The following ZNF331 variants were observed in gnomAD, a reference collection of about 807,000 sequenced individuals.
ZNF331 encodes zinc finger protein 331.
A neutral mutation model predicts 7.0 loss-of-function variants in ZNF331; 2 were observed. The observed-to-expected ratio is 0.29, with a 90% CI of 0.12 to 0.90. The LOEUF is 0.90. Among genes scored for constraint, ZNF331 ranks in the 40% least tolerant of loss-of-function variants. The probability of loss-of-function intolerance (pLI) is 0.58; values close to 1 mark genes in which losing one functional copy is unlikely to be tolerated. For synonymous variants in ZNF331, 196 were observed against 205.4 expected (o/e 0.95, Z 0.39); for missense variants, 432 against 587.7 (o/e 0.74, Z 2.74).
chr19:53,513,810 A>C, the ZNF331 span, among the ~76,000 whole-genome samples: 5 of 152,196 alleles, frequency 3.3e-5, no homozygotes, highest in Non-Finnish European at 7.3e-5. Context: ...AGGTTTCACC[A>C]TGTTGGCCAG....
chr19:53,557,320 A>G (rs1213845093), intron 3 of ZNF331, among the ~76,000 whole-genome samples: 1 of 152,126 alleles, frequency 6.6e-6, no homozygotes, highest in African/African-American at 2.4e-5. Context: ...GTGCCAGTGC[A>G]AGCAGCTTCC....
rs894524049 is a variant in ZNF331, at chr19:53,573,844, G to T, written c.136+2114G>T. 6.6e-6 allele frequency among the ~76,000 whole-genome samples: 1 copy of T among 152,152 alleles called. No homozygotes were observed. The highest frequency in any genetic ancestry group is 1.5e-5 in the Non-Finnish European group (1 of 68,018). ...AAAAAAATTTAAGGCCAGGCATGGT[G>T]GTTCACGCCTATAATCCCAGCACTT... On this transcript the variant is annotated intron_variant, in intron 5 of 5. Coordinates refer to ENST00000449416, the MANE Select transcript of ZNF331 (RefSeq NM_001079906.2). The surrounding 1 kb of genome is among the most constrained non-coding windows in gnomAD (Gnocchi z 4.2).
intron 5 of ZNF331, among the ~76,000 whole-genome samples, chr19:53,574,792 C>T (rs1264414543): frequency 2.0e-5 from 3 of 152,198 alleles, no homozygotes; most frequent in Non-Finnish European, 2.9e-5. Flanking sequence ...ATCACTGCCC[C>T]TTCATTTATC....
chr19:53,516,260 G>C (rs1333737935), upstream of ZNF331, among the ~76,000 whole-genome samples: 1 of 152,060 alleles, frequency 6.6e-6, no homozygotes, highest in Admixed American at 6.6e-5. Flanking sequence ...AGACCAGCCT[G>C]GCTAACATGG....
At chr19:53,508,669 C>T in the ZNF331 span, among the ~76,000 whole-genome samples, 1 of 152,166 alleles carries the variant, frequency 6.6e-6, no homozygotes, top group South Asian at 2.1e-4. Context: ...AGATTTCTCT[C>T]TCTGACCATT....
upstream of ZNF331, chr19:53,537,697 C>T (rs73051515): frequency 0.072 from 11,046 of 152,412 alleles, 529 homozygotes; most frequent in Non-Finnish European, 0.11. Context: ...CCCCCGACGG[C>T]CCCGCGTCCT....
intron 5 of ZNF331, among the ~76,000 whole-genome samples, chr19:53,572,443 T>C (rs1009118618): frequency 2.6e-5 from 4 of 151,754 alleles, no homozygotes; most frequent in African/African-American, 9.7e-5. Flanking sequence ...TAGTTAGCTA[T>C]GATCATACCA....
At chr19:53,551,423 A>T (rs2089001512) in intron 2 of ZNF331, among the ~76,000 whole-genome samples, 1 of 152,212 alleles carries the variant, frequency 6.6e-6, no homozygotes, top group Non-Finnish European at 1.5e-5. Flanking sequence ...TGTGAAAGGC[A>T]TCCAGCCCAG....
At chr19:53,553,829 A>G (rs1600355751) in intron 2 of ZNF331, among the ~76,000 whole-genome samples, 1 of 152,100 alleles carries the variant, frequency 6.6e-6, no homozygotes, top group East Asian at 1.9e-4. Context: ...GCCATGGCTC[A>G]CCCGGCATCA....
At chr19:53,543,243 GGT>G (rs2088307679) in intron 2 of ZNF331, among the ~76,000 whole-genome samples, 1 of 152,110 alleles carries the variant, frequency 6.6e-6, no homozygotes, top group Admixed American at 6.5e-5. Context: ...TGGGCAACAT[GGT>G]GAGACCCTGT....
upstream of ZNF331, among the ~76,000 whole-genome samples, chr19:53,533,183 G>A (rs1161350612): frequency 6.6e-6 from 1 of 151,690 alleles, no homozygotes; most frequent in African/African-American, 2.4e-5. Flanking sequence ...TCAAGATTTG[G>A]TATGTTGTTT....
intron 2 of ZNF331, among the ~76,000 whole-genome samples, chr19:53,529,502 T>C (rs1483781664): frequency 6.6e-6 from 1 of 152,128 alleles, no homozygotes; most frequent in Admixed American, 6.5e-5. Context: ...AGTTCAATCA[T>C]CATTGGTATA....
chr19:53,565,856 C>G (rs954078675), intron 3 of ZNF331, among the ~76,000 whole-genome samples: 1 of 152,074 alleles, frequency 6.6e-6, no homozygotes, highest in Admixed American at 6.6e-5. Context: ...AAAAAAGAAA[C>G]CTTCTTTGTC....
chr19:53,552,602 G>A (rs1398231733), intron 2 of ZNF331, among the ~76,000 whole-genome samples: 7 of 152,010 alleles, frequency 4.6e-5, no homozygotes, highest in Admixed American at 1.3e-4. Flanking sequence ...ATGTGGTGGC[G>A]TGCACCTGTA....
chr19:53,540,451 G>A (rs1467433706), intron 2 of ZNF331, among the ~76,000 whole-genome samples: 2 of 150,638 alleles, frequency 1.3e-5, no homozygotes, highest in African/African-American at 2.5e-5. Context: ...TTCTGTAATT[G>A]AGATGGAGGC....
chr19:53,540,920 GATTACATT>G (rs1425771718), intron 2 of ZNF331, among the ~76,000 whole-genome samples: 1 of 152,106 alleles, frequency 6.6e-6, no homozygotes, highest in African/African-American at 2.4e-5. Context: ...GGACCCTGGT[GATTACATT>G]AGGCCCGCTG....
the ZNF331 span, among the ~76,000 whole-genome samples, chr19:53,506,101 C>T: frequency 2.6e-5 from 4 of 151,590 alleles, no homozygotes; most frequent in African/African-American, 4.8e-5. Context: ...TTTGGGAGGC[C>T]GAGGCGGGTG....
At chr19:53,538,323 G>A (rs1420548142) in intron 1 of ZNF331, 27 bp downstream of exon 1, 1 of 152,252 alleles carries the variant, frequency 6.6e-6, no homozygotes, top group Non-Finnish European at 1.5e-5. Flanking sequence ...TGGCTCCGAG[G>A]GGAGACGGGC....
intron 5 of ZNF331, among the ~76,000 whole-genome samples, chr19:53,575,729 G>A (rs1229148589): frequency 1.4e-5 from 2 of 147,108 alleles, no homozygotes; most frequent in African/African-American, 5.1e-5. Context: ...TGTCACCCAG[G>A]CTGGAGTGCA....
Sources: allele counts gnomAD v4.1 joint callset (sites outside exome capture counted in the v4.1 genomes callset), GRCh38; gene constraint gnomAD v4.1.1; non-coding constraint Gnocchi (gnomAD v3.1); transcripts MANE v1.5; gene names NCBI Gene and HGNC (gene_info 2026-07-23, HGNC 2026-07-21).